The following HECTD4 variants were observed in gnomAD, a reference collection of about 807,000 sequenced individuals.
HECTD4 encodes probable E3 ubiquitin-protein ligase HECTD4.
HECTD4 carries 114 observed loss-of-function variants against 471.5 expected under a neutral mutation model. The ratio of observed to expected loss-of-function variants is 0.24; its 90% confidence interval spans 0.21 to 0.28. The LOEUF (loss-of-function observed/expected upper bound fraction) is 0.28, where lower values mean the gene tolerates loss of function less well. Among genes scored for constraint, HECTD4 ranks in the 10% least tolerant of loss-of-function variants. The pLI, the probability that HECTD4 is intolerant of heterozygous loss-of-function variation, is 1.00. For missense variants in HECTD4, 3,866 were observed against 5,651.5 expected, an observed-to-expected ratio of 0.68 and a Z score of 10.13; for synonymous variants, 2,012 against 2,256.0, an observed-to-expected ratio of 0.89 and a Z score of 3.07.
At chr12:112,268,640 C>T (rs892835038) in intron 13 of HECTD4, among the ~76,000 whole-genome samples, 2 of 151,778 alleles carry the variant, frequency 1.3e-5, no homozygotes, top group African/African-American at 4.8e-5. Flanking sequence ...CCTGTAATCC[C>T]ATCTACTTGA....
At position 112,184,487 on chromosome 12, in the gene HECTD4, G is replaced by A; in HGVS notation, c.10479C>T (p.Ser3493=). The A allele has an allele frequency of 6.2e-7, 1 of 1,607,998 alleles. No homozygotes were observed. The highest frequency in any genetic ancestry group is 2.2e-5 in the East Asian group (1 of 44,816). ...ISASASTSQA[S]ICSSQGISQT... ...GGGAGATGCCCTGCGAGCTGCAGAT[G>A]GAGGCCTGGCTGGTGGAGGCGGAGG... The change falls in exon 61 of 76, where the codon TCC becomes TCT. Residue 3493 remains serine, a synonymous_variant. Coordinates refer to ENST00000682272, the MANE Select transcript of HECTD4 (RefSeq NM_001388303.1). This position sits in a 1 kb window ranked among gnomAD's most constrained non-coding sequence, Gnocchi z 9.1.
chr12:112,284,367 C>T (rs1394091224), intron 7 of HECTD4, among the ~76,000 whole-genome samples: 1 of 152,158 alleles, frequency 6.6e-6, no homozygotes, highest in African/African-American at 2.4e-5. Context: ...TGGCCTGCAG[C>T]TGTGGGGTGT....
At chr12:112,249,691 A>C (rs765260328) in intron 25 of HECTD4, 5 of 173,916 alleles carry the variant, frequency 2.9e-5, no homozygotes, top group Non-Finnish European at 6.2e-5. Context: ...TACATTCTAC[A>C]TTAGAGAACT....
At position 112,306,055 on chromosome 12, in the gene HECTD4, C is replaced by G. The variant is rs770215683; in HGVS notation, c.1335+9G>C. 1.3e-6 allele frequency: 2 copies of G among 1,590,168 alleles called. No homozygotes were observed. Among genetic ancestry groups the G allele is most frequent in the South Asian group, 1.2e-5 (1 of 85,944 alleles). On this transcript the variant is annotated intron_variant, in intron 7 of 75. Coordinates refer to ENST00000682272, the MANE Select transcript of HECTD4 (RefSeq NM_001388303.1). ...CTGCAAAGATACAAGCGAGAAAGTT[C>G]AAACTTACCACAAGTTCAAAAATGT... is the stretch of plus-strand genomic sequence containing the variant.
chr12:112,306,172 C>G lies in HECTD4; in HGVS notation c.1227G>C (p.Val409=), dbSNP rs1414641448. The G allele has an allele frequency of 6.2e-7, 1 of 1,612,106 alleles. No individual in the cohort carries two copies. Among genetic ancestry groups the G allele is most frequent in the East Asian group, 2.2e-5 (1 of 44,774 alleles). The change falls in exon 7 of 76, where the codon GTG becomes GTC. Residue 409 remains valine (V), a synonymous_variant. Coordinates refer to ENST00000682272, the MANE Select transcript of HECTD4 (RefSeq NM_001388303.1). ...HLPIGSTMST[V]HLSSDGTYFY... ...AGTAAGTGCCATCTGAAGACAGGTG[C>G]ACAGTGCTCATGGTGCTGCCAATGG...
chr12:112,212,471 C>A lies in HECTD4; in HGVS notation c.7629+16G>T. 6.3e-7 allele frequency: 1 copy of A among 1,598,492 alleles called. No individual in the cohort carries two copies. Among genetic ancestry groups the A allele is most frequent in the Non-Finnish European group, 8.6e-7 (1 of 1,169,518 alleles). On this transcript the variant is annotated intron_variant, in intron 49 of 75. Coordinates refer to ENST00000682272, the MANE Select transcript of HECTD4 (RefSeq NM_001388303.1). ...TGAAGGAGAATTTGTTTTCCTTTCC[C>A]AACAAGGTAACCTGCCTTTTTCTGA... is the stretch of plus-strand genomic sequence containing the variant.
At chr12:112,276,090 C>T (rs1209477440) in intron 9 of HECTD4, among the ~76,000 whole-genome samples, 3 of 152,192 alleles carry the variant, frequency 2.0e-5, no homozygotes, top group South Asian at 2.1e-4. Flanking sequence ...CACATATCTA[C>T]GTCATCTCTC....
intron 59 of HECTD4, among the ~76,000 whole-genome samples, chr12:112,191,941 A>C (rs1444520314): frequency 1.3e-5 from 2 of 152,186 alleles, no homozygotes; most frequent in Non-Finnish European, 2.9e-5. Flanking sequence ...CATGCCAAGG[A>C]GGAGCAGTGG....
chr12:112,203,562 G>A, intron 54 of HECTD4, 74 bp downstream of exon 54: 3 of 1,249,262 alleles, frequency 2.4e-6, no homozygotes, highest in Non-Finnish European at 2.2e-6. Context: ...ACTTTTTAAG[G>A]TACCTGGGAA....
intron 44 of HECTD4, among the ~76,000 whole-genome samples, chr12:112,224,823 C>T (rs2033190754): frequency 6.6e-6 from 1 of 152,108 alleles, no homozygotes; most frequent in East Asian, 1.9e-4. Flanking sequence ...CAATTAAGAC[C>T]TCTTTATTCT....
At chr12:112,169,701 G>A (rs752039241) in intron 69 of HECTD4, 43 bp from the exon 70 acceptor site, 10 of 1,607,814 alleles carry the variant, frequency 6.2e-6, no homozygotes, top group South Asian at 1.1e-5. Context: ...CGCCGTGGCC[G>A]CCCTCTCCCC....
rs2137006861 is a variant in HECTD4, at chr12:112,171,109, G to A, written c.11932+8C>T. ...TCCTGCAGGGCCAGGGCAGGTGCAG[G>A]CACTGACCTTTGGCCTCCTTCAGCA... On this transcript the variant is annotated splice_region_variant and intron_variant, in intron 68 of 75. Coordinates refer to ENST00000682272, the MANE Select transcript of HECTD4 (RefSeq NM_001388303.1). The A allele has an allele frequency of 1.9e-6, 3 of 1,608,916 alleles. No homozygotes were observed. Among genetic ancestry groups the A allele is most frequent in the Non-Finnish European group, 1.7e-6 (2 of 1,176,490 alleles).
intron 34 of HECTD4, among the ~76,000 whole-genome samples, chr12:112,238,157 C>G (rs2033559015): frequency 6.6e-6 from 1 of 152,092 alleles, no homozygotes; most frequent in African/African-American, 2.4e-5. Flanking sequence ...AACAAATAAA[C>G]AGATAAATAA....
At chr12:112,313,766 C>G (rs1244571199) in intron 3 of HECTD4, among the ~76,000 whole-genome samples, 1 of 151,806 alleles carries the variant, frequency 6.6e-6, no homozygotes, top group African/African-American at 2.4e-5. Flanking sequence ...TGTGATCACA[C>G]GCATGAGCCA....
intron 49 of HECTD4, among the ~76,000 whole-genome samples, chr12:112,210,924 T>C (rs541205428): frequency 6.6e-6 from 1 of 152,244 alleles, no homozygotes; most frequent in South Asian, 2.1e-4. Flanking sequence ...AATGCATGAA[T>C]GGAACAGGCT....
intron 11 of HECTD4, 38 bp downstream of exon 11, chr12:112,273,617 G>A (rs1294498171): frequency 6.9e-6 from 11 of 1,601,834 alleles, no homozygotes; most frequent in Non-Finnish European, 9.4e-6. Context: ...ATATTTCAGA[G>A]GAAAATCTTT....
chr12:112,190,064 A>G (rs947917458), intron 60 of HECTD4, among the ~76,000 whole-genome samples: 5 of 152,162 alleles, frequency 3.3e-5, no homozygotes, highest in African/African-American at 1.2e-4. Context: ...CGAGTGTGCA[A>G]TGTTTTCTTC....
intron 1 of HECTD4, among the ~76,000 whole-genome samples, chr12:112,340,426 T>C (rs2036034982): frequency 6.6e-6 from 1 of 151,962 alleles, no homozygotes; most frequent in Non-Finnish European, 1.5e-5. Flanking sequence ...TCTGGGAGAC[T>C]AAAGCCTAGA....
intron 60 of HECTD4, among the ~76,000 whole-genome samples, chr12:112,187,209 C>T (rs1043065378): frequency 2.0e-5 from 3 of 152,254 alleles, no homozygotes; most frequent in Non-Finnish European, 1.5e-5. Flanking sequence ...GAACTCCCGA[C>T]CTCAGGTGAT....
Sources: gnomAD v4.1 joint callset for allele counts (sites outside exome capture counted in the v4.1 genomes callset) on GRCh38, gnomAD v4.1.1 for gene constraint, Gnocchi (gnomAD v3.1) non-coding constraint, MANE v1.5 for transcripts, NCBI Gene and HGNC (gene_info 2026-07-23, HGNC 2026-07-21) for gene names.